The following CENPW variants were observed in gnomAD, a reference collection of about 807,000 sequenced individuals.
CENPW encodes centromere protein W.
In CENPW, 3 loss-of-function variants were observed where a neutral mutation model predicts 11.1. That is an observed-to-expected ratio of 0.27 (90% CI 0.12 to 0.70). The LOEUF (loss-of-function observed/expected upper bound fraction) is 0.70, where lower values mean the gene tolerates loss of function less well. Among genes scored for constraint, CENPW ranks in the 30% least tolerant of loss-of-function variants. The probability of loss-of-function intolerance (pLI) is 0.77; values close to 1 mark genes in which losing one functional copy is unlikely to be tolerated. For missense variants in CENPW, 100 were observed against 105.6 expected, an observed-to-expected ratio of 0.95 and a Z score of 0.23; for synonymous variants, 38 against 42.0, an observed-to-expected ratio of 0.91 and a Z score of 0.37.
the CENPW span, among the ~76,000 whole-genome samples, chr6:126,459,815 T>G: frequency 6.6e-6 from 1 of 151,604 alleles, no homozygotes; most frequent in Non-Finnish European, 1.5e-5. Context: ...AACTTTGTGC[T>G]CCTCACTAAT....
chr6:126,391,226 A>T, the CENPW span, among the ~76,000 whole-genome samples: 1 of 151,984 alleles, frequency 6.6e-6, no homozygotes, highest in Admixed American at 6.6e-5. Flanking sequence ...ATGATCAGTG[A>T]TGTTGAGCAC....
At chr6:126,360,347 TG>T in the CENPW span, among the ~76,000 whole-genome samples, 1 of 152,060 alleles carries the variant, frequency 6.6e-6, no homozygotes, top group Non-Finnish European at 1.5e-5. Flanking sequence ...TCTCTAGGTG[TG>T]TTTAAGATTT....
chr6:126,460,380 G>A, the CENPW span, among the ~76,000 whole-genome samples: 1 of 151,746 alleles, frequency 6.6e-6, no homozygotes, highest in African/African-American at 2.4e-5. Context: ...AACTTAGCCT[G>A]AAAATCACGG....
chr6:126,343,471 C>T (rs1780351418), intron 1 of CENPW, among the ~76,000 whole-genome samples: 1 of 152,144 alleles, frequency 6.6e-6, no homozygotes, highest in Non-Finnish European at 1.5e-5. Flanking sequence ...TATTGACCCA[C>T]ACAGTCACAA....
the CENPW span, among the ~76,000 whole-genome samples, chr6:126,385,549 T>C: frequency 6.6e-6 from 1 of 152,154 alleles, no homozygotes; most frequent in Non-Finnish European, 1.5e-5. Flanking sequence ...TATTCATTGA[T>C]ATAGTTAGGC....
At chr6:126,414,970 A>G in the CENPW span, among the ~76,000 whole-genome samples, 1 of 152,124 alleles carries the variant, frequency 6.6e-6, no homozygotes, top group Non-Finnish European at 1.5e-5. Context: ...GAATAACCAT[A>G]CAACAAAATG....
chr6:126,464,029 A>T, the CENPW span, among the ~76,000 whole-genome samples: 1 of 152,104 alleles, frequency 6.6e-6, no homozygotes, highest in Non-Finnish European at 1.5e-5. Context: ...CTACATATTG[A>T]TAACTATGAA....
chr6:126,419,329 G>T, the CENPW span, among the ~76,000 whole-genome samples: 1 of 152,010 alleles, frequency 6.6e-6, no homozygotes, highest in Admixed American at 6.6e-5. Context: ...AAGCATAAAG[G>T]TTTGATGTCT....
the CENPW span, among the ~76,000 whole-genome samples, chr6:126,464,829 A>G: frequency 1.3e-5 from 2 of 152,134 alleles, no homozygotes; most frequent in East Asian, 3.9e-4. Flanking sequence ...CCTTTCATAT[A>G]TGCATAGGTC....
downstream of CENPW, among the ~76,000 whole-genome samples, chr6:126,351,503 G>C (rs1047443081): frequency 1.3e-5 from 2 of 151,928 alleles, no homozygotes; most frequent in Non-Finnish European, 2.9e-5. Flanking sequence ...ACCTGACTTA[G>C]AAAAGAAAGA....
chr6:126,414,928 G>T, the CENPW span, among the ~76,000 whole-genome samples: 59 of 151,942 alleles, frequency 3.9e-4, no homozygotes, highest in African/African-American at 1.3e-3. Context: ...ATTGATACCA[G>T]AGAAATACAA....
At chr6:126,433,455 G>A in the CENPW span, among the ~76,000 whole-genome samples, 26 of 152,254 alleles carry the variant, frequency 1.7e-4, no homozygotes, top group African/African-American at 4.8e-4. Flanking sequence ...TGATAACTAC[G>A]TTGTTTTCTC....
chr6:126,433,178 T>A, the CENPW span, among the ~76,000 whole-genome samples: 1 of 152,250 alleles, frequency 6.6e-6, no homozygotes, highest in African/African-American at 2.4e-5. Context: ...AACACATATT[T>A]AGTTTTTCAT....
At chr6:126,379,850 A>G in the CENPW span, among the ~76,000 whole-genome samples, 9 of 152,330 alleles carry the variant, frequency 5.9e-5, no homozygotes, top group East Asian at 1.9e-4. Context: ...TTTGACAGCT[A>G]TAAAAGTAGG....
chr6:126,451,693 C>T, the CENPW span, among the ~76,000 whole-genome samples: 1 of 150,940 alleles, frequency 6.6e-6, no homozygotes, highest in East Asian at 2.0e-4. Flanking sequence ...CACCCTCCTC[C>T]CCTCTTGCTC....
the CENPW span, among the ~76,000 whole-genome samples, chr6:126,391,546 A>G: frequency 1.7e-4 from 26 of 152,018 alleles, no homozygotes; most frequent in African/African-American, 6.3e-4. Context: ...GCCTTTGCCC[A>G]TTCCAATTAC....
chr6:126,414,273 C>G, the CENPW span, among the ~76,000 whole-genome samples: 112,232 of 151,482 alleles, frequency 0.74, 42,214 homozygotes, highest in East Asian at 0.99. Flanking sequence ...ACAAAATCCA[C>G]AATGAAACAT....
chr6:126,467,834 C>T, the CENPW span, among the ~76,000 whole-genome samples: 4 of 152,080 alleles, frequency 2.6e-5, no homozygotes, highest in Admixed American at 2.6e-4. Flanking sequence ...CAAACATTAG[C>T]TCAACTATTG....
intron 1 of CENPW, among the ~76,000 whole-genome samples, chr6:126,342,222 C>G (rs1275256547): frequency 6.6e-6 from 1 of 152,142 alleles, no homozygotes; most frequent in Non-Finnish European, 1.5e-5. Context: ...TTAAAGGGAG[C>G]AGCATTTGTA....
Sources: gnomAD v4.1 joint callset for allele counts (sites outside exome capture counted in the v4.1 genomes callset) on GRCh38, gnomAD v4.1.1 for gene constraint, MANE v1.5 for transcripts, NCBI Gene and HGNC (gene_info 2026-07-23, HGNC 2026-07-21) for gene names.